NR2F1-AS1: variants seen among roughly 807,000 people sequenced by gnomAD.
NR2F1-AS1 encodes NR2F1 antisense RNA 1.
intron 4 of NR2F1-AS1, among the ~76,000 whole-genome samples, chr5:93,540,761 AC>A (rs1215640133): frequency 6.6e-6 from 1 of 152,190 alleles, no homozygotes; most frequent in Non-Finnish European, 1.5e-5. Context: ...ACACAAAAAA[AC>A]ACACACAAGT....
intron 2 of NR2F1-AS1, among the ~76,000 whole-genome samples, chr5:93,557,643 T>C (rs1442884468): frequency 2.6e-5 from 4 of 152,012 alleles, no homozygotes; most frequent in African/African-American, 9.7e-5. Flanking sequence ...TAGTGGAGAG[T>C]CTTGCCTTGA....
intron 4 of NR2F1-AS1, among the ~76,000 whole-genome samples, chr5:93,483,167 G>C (rs1487188392): frequency 6.6e-6 from 1 of 152,144 alleles, no homozygotes; most frequent in African/African-American, 2.4e-5. Flanking sequence ...ATATCTCCCA[G>C]CAAGGGTCGA....
At chr5:93,498,153 G>C (rs1751003764) in intron 4 of NR2F1-AS1, among the ~76,000 whole-genome samples, 1 of 151,788 alleles carries the variant, frequency 6.6e-6, no homozygotes, top group African/African-American at 2.4e-5. Context: ...GTGAGACTCA[G>C]TCCCTACAAA....
chr5:93,556,249 T>C (rs1752352286), intron 2 of NR2F1-AS1, among the ~76,000 whole-genome samples: 1 of 152,226 alleles, frequency 6.6e-6, no homozygotes. Flanking sequence ...ATTTAATTTA[T>C]TGAAAACCAT....
At chr5:93,529,115 T>G (rs902854657) in intron 4 of NR2F1-AS1, among the ~76,000 whole-genome samples, 4 of 152,166 alleles carry the variant, frequency 2.6e-5, no homozygotes, top group African/African-American at 4.8e-5. Context: ...GTAGACTTCT[T>G]AAACTTCTTA....
At chr5:93,425,513 G>C (rs1320687179) in intron 4 of NR2F1-AS1, among the ~76,000 whole-genome samples, 1 of 152,178 alleles carries the variant, frequency 6.6e-6, no homozygotes, top group Non-Finnish European at 1.5e-5. Flanking sequence ...CACTTTGCCA[G>C]GAGTTAGAAG....
chr5:93,486,687 T>G (rs182132681), intron 4 of NR2F1-AS1, among the ~76,000 whole-genome samples: 1 of 152,210 alleles, frequency 6.6e-6, no homozygotes, highest in Non-Finnish European at 1.5e-5. Flanking sequence ...ACTGGTACTA[T>G]TCCTTCTGAA....
chr5:93,420,570 A>T (rs1749068384), intron 4 of NR2F1-AS1, among the ~76,000 whole-genome samples: 1 of 152,316 alleles, frequency 6.6e-6, no homozygotes. Flanking sequence ...GGAGCAGGGA[A>T]TTTAAAAAAG....
At chr5:93,545,643 T>C (rs1158362251) in intron 4 of NR2F1-AS1, among the ~76,000 whole-genome samples, 1 of 152,220 alleles carries the variant, frequency 6.6e-6, no homozygotes, top group Non-Finnish European at 1.5e-5. Flanking sequence ...TCTCACACTT[T>C]TACTGCTGTG....
intron 1 of NR2F1-AS1, among the ~76,000 whole-genome samples, chr5:93,573,565 T>A (rs1162867465): frequency 6.6e-6 from 1 of 152,190 alleles, no homozygotes; most frequent in Non-Finnish European, 1.5e-5. Context: ...CTTCAGTCAG[T>A]GGCCACAATA....
intron 4 of NR2F1-AS1, among the ~76,000 whole-genome samples, chr5:93,463,940 T>C (rs1431739514): frequency 2.0e-5 from 3 of 152,218 alleles, no homozygotes; most frequent in African/African-American, 7.2e-5. Context: ...GATGAGACTT[T>C]AAATGGTGGA....
intron 4 of NR2F1-AS1, among the ~76,000 whole-genome samples, chr5:93,485,027 AC>A (rs1561462410): frequency 6.6e-6 from 1 of 152,068 alleles, no homozygotes; most frequent in Non-Finnish European, 1.5e-5. Flanking sequence ...AGACTTTAAC[AC>A]CCCACTGTCA....
intron 4 of NR2F1-AS1, among the ~76,000 whole-genome samples, chr5:93,464,266 G>T (rs1363030211): frequency 6.6e-6 from 1 of 152,082 alleles, no homozygotes; most frequent in Non-Finnish European, 1.5e-5. Context: ...TTTCCTGTCT[G>T]CTGCCATGTG....
At position 93,482,700 on chromosome 5, in the gene NR2F1-AS1, G is replaced by A. The variant is rs573219961; in HGVS notation, n.638+71061C>T. Among the ~76,000 whole-genome samples the A allele has an allele frequency of 1.9e-4, 29 of 152,244 alleles. No individual in the cohort carries two copies. In the South Asian group the frequency reaches 5.2e-3, roughly 27 times the overall value. On this transcript the variant is annotated intron_variant and non_coding_transcript_variant, in intron 4 of 5. Transcript: ENST00000660523. ...GGAGCCAAGCAATCTAAGATCAACC[G>A]GCTTGAAATTCTCACTGCAAGCACA...
chr5:93,545,139 C>A (rs1752053108), intron 4 of NR2F1-AS1, among the ~76,000 whole-genome samples: 1 of 152,044 alleles, frequency 6.6e-6, no homozygotes, highest in Non-Finnish European at 1.5e-5. Flanking sequence ...ACACTTAAGT[C>A]CCTATAGAGT....
At chr5:93,498,980 T>G (rs1046003393) in intron 4 of NR2F1-AS1, among the ~76,000 whole-genome samples, 1 of 152,082 alleles carries the variant, frequency 6.6e-6, no homozygotes, top group African/African-American at 2.4e-5. Context: ...TAAATTTATT[T>G]TGATTTAGAG....
At chr5:93,542,182 T>C (rs1297695730) in intron 4 of NR2F1-AS1, 2 of 149,674 alleles carry the variant, frequency 1.3e-5, no homozygotes. Flanking sequence ...GAACAAAAAC[T>C]GGCTTAGAAA....
rs1749161046 is a variant in NR2F1-AS1, at chr5:93,424,792, G to A, written n.639-29250C>T. On this transcript the variant is annotated intron_variant and non_coding_transcript_variant, in intron 4 of 5. Transcript: ENST00000660523. ...CATCAAACTGGGTGTCAAGTTAAAAGTTTGCTTTAAAAATAAATTTCAGTA... is the reference window on the plus strand; with the variant it reads ...CATCAAACTGGGTGTCAAGTTAAAAATTTGCTTTAAAAATAAATTTCAGTA... 2.0e-5 allele frequency among the ~76,000 whole-genome samples: 3 copies of A among 152,242 alleles called. No homozygotes were observed. The South Asian group carries it at 6.2e-4, about 32-fold the overall frequency.
intron 4 of NR2F1-AS1, among the ~76,000 whole-genome samples, chr5:93,467,143 C>T (rs767665758): frequency 6.6e-6 from 1 of 152,148 alleles, no homozygotes; most frequent in Non-Finnish European, 1.5e-5. Context: ...CTCAAGTGAT[C>T]CATCCGCCTT....
Sources: gnomAD v4.1 joint callset for allele counts (sites outside exome capture counted in the v4.1 genomes callset) on GRCh38, gnomAD v4.1.1 for gene constraint, MANE v1.5 for transcripts, NCBI Gene and HGNC (gene_info 2026-07-23, HGNC 2026-07-21) for gene names.